Variants in CSMD3 observed in about 807,000 individuals in gnomAD.
CSMD3 encodes CUB and sushi domain-containing protein 3.
In CSMD3, 177 loss-of-function variants were observed where a neutral mutation model predicts 435.2. The observed-to-expected ratio is 0.41, with a 90% CI of 0.36 to 0.46. The LOEUF is 0.46. CSMD3 is among the 20% of genes least tolerant of loss of function. The pLI is 0.34. For synonymous variants in CSMD3, 1,656 were observed against 1,520.5 expected (o/e 1.09, Z -2.07); for missense variants, 4,265 against 4,504.6 (o/e 0.95, Z 1.52).
intron 10 of CSMD3, among the ~76,000 whole-genome samples, chr8:112,874,603 T>C (rs1051455372): frequency 2.0e-5 from 3 of 152,198 alleles, no homozygotes; most frequent in Admixed American, 2.0e-4. Flanking sequence ...GGTGCATATA[T>C]ATTTAGGATA....
chr8:112,424,828 A>G (rs959377597), intron 32 of CSMD3, among the ~76,000 whole-genome samples: 1 of 152,204 alleles, frequency 6.6e-6, no homozygotes, highest in South Asian at 2.1e-4. Flanking sequence ...AGTAGCTGGG[A>G]CCACAGGCAT....
intron 13 of CSMD3, among the ~76,000 whole-genome samples, chr8:112,761,793 T>G (rs1032937333): frequency 6.6e-6 from 1 of 152,040 alleles, no homozygotes; most frequent in African/African-American, 2.4e-5. Flanking sequence ...CATATACATA[T>G]GTATCCATGT....
intron 32 of CSMD3, among the ~76,000 whole-genome samples, chr8:112,469,160 CAAAAAAAAA>C (rs71309771): frequency 1.9e-3 from 178 of 91,644 alleles, no homozygotes; most frequent in Admixed American, 6.4e-3. Flanking sequence ...CTACACCAGG[CAAAAAAAAA>C]AAAAAAAAAA....
rs189780264 is a variant in CSMD3 at position 112,722,297 on chromosome 8, A to T, written c.1973-32247T>A. 1.4e-3 allele frequency among the ~76,000 whole-genome samples: 209 copies of T among 151,970 alleles called. No individual in the cohort carries two copies. In the East Asian group the frequency reaches 0.017, roughly 13 times the overall value. On this transcript the variant is annotated intron_variant, in intron 13 of 70. Coordinates refer to ENST00000297405, the MANE Select transcript of CSMD3 (RefSeq NM_198123.2). Reference sequence around the variant, plus strand: ...AATTAATTAGATCTTAGGTTTTTTAAAAAAAAAGGCTATACCAGACCTTTT... The same window carrying T: ...AATTAATTAGATCTTAGGTTTTTTATAAAAAAAGGCTATACCAGACCTTTT...
chr8:112,570,905 C>G (rs1172581564), intron 24 of CSMD3, among the ~76,000 whole-genome samples: 2 of 152,144 alleles, frequency 1.3e-5, no homozygotes, highest in Non-Finnish European at 2.9e-5. Flanking sequence ...TGTATGTTTT[C>G]CCTTTTTAAG....
intron 16 of CSMD3, among the ~76,000 whole-genome samples, chr8:112,680,640 A>C (rs2075868418): frequency 6.6e-6 from 1 of 152,172 alleles, no homozygotes; most frequent in Non-Finnish European, 1.5e-5. Context: ...AGAACACTAA[A>C]GTCATCTAGT....
At chr8:112,314,712 T>C (rs1019949395) in intron 47 of CSMD3, 95 bp from the exon 48 acceptor site, 1 of 820,108 alleles carries the variant, frequency 1.2e-6, no homozygotes, top group Non-Finnish European at 2.1e-6. Context: ...TCATGTTCAA[T>C]AGCTATAAGG....
At chr8:113,301,393 A>C (rs1225558002) in intron 2 of CSMD3, among the ~76,000 whole-genome samples, 1 of 152,144 alleles carries the variant, frequency 6.6e-6, no homozygotes, top group Non-Finnish European at 1.5e-5. Context: ...ATTCTAATAA[A>C]TATATTATGG....
At chr8:112,468,907 T>C (rs772154308) in intron 32 of CSMD3, among the ~76,000 whole-genome samples, 2 of 152,138 alleles carry the variant, frequency 1.3e-5, no homozygotes, top group Non-Finnish European at 1.5e-5. Flanking sequence ...GATGAATATT[T>C]CCAAAATCTG....
chr8:113,213,158 A>G (rs939976106), intron 3 of CSMD3, among the ~76,000 whole-genome samples: 3 of 152,074 alleles, frequency 2.0e-5, no homozygotes, highest in African/African-American at 7.2e-5. Flanking sequence ...AGAAATGCAA[A>G]TGGAATCTAC....
intron 5 of CSMD3, among the ~76,000 whole-genome samples, chr8:113,022,609 T>C (rs1361874737): frequency 1.3e-5 from 2 of 151,674 alleles, no homozygotes; most frequent in Admixed American, 1.3e-4. Flanking sequence ...CATTTCACCC[T>C]AAAAATCTCC....
chr8:112,424,237 G>C (rs1276134732), intron 32 of CSMD3, among the ~76,000 whole-genome samples: 1 of 152,088 alleles, frequency 6.6e-6, no homozygotes, highest in African/African-American at 2.4e-5. Flanking sequence ...ATAGTTTTAA[G>C]ATATGATTGC....
At chr8:112,750,434 A>G (rs1282023298) in intron 13 of CSMD3, among the ~76,000 whole-genome samples, 2 of 152,072 alleles carry the variant, frequency 1.3e-5, no homozygotes, top group Non-Finnish European at 2.9e-5. Context: ...CAGGAGAAAG[A>G]CTACATAGAA....
intron 33 of CSMD3, 143 bp from the exon 34 acceptor site, chr8:112,408,556 A>C (rs573617593): frequency 2.9e-6 from 2 of 688,148 alleles, no homozygotes; most frequent in Non-Finnish European, 5.1e-6. Context: ...ACAACTACCA[A>C]TATATTTCCT....
intron 13 of CSMD3, among the ~76,000 whole-genome samples, chr8:112,750,347 A>AATAT (rs1173212784): frequency 1.3e-5 from 2 of 151,784 alleles, no homozygotes; most frequent in African/African-American, 4.8e-5. Flanking sequence ...AATTTTATTA[A>AATAT]ATATCAACTA....
intron 3 of CSMD3, among the ~76,000 whole-genome samples, chr8:113,216,161 A>G (rs1041927699): frequency 3.9e-5 from 6 of 151,902 alleles, no homozygotes; most frequent in African/African-American, 1.4e-4. Flanking sequence ...AAAATCTAAA[A>G]AAAATCCATA....
chr8:112,771,349 G>A (rs1302635344), intron 13 of CSMD3, among the ~76,000 whole-genome samples: 1 of 151,916 alleles, frequency 6.6e-6, no homozygotes, highest in Non-Finnish European at 1.5e-5. Context: ...AATAAGCCTG[G>A]CCAATGTGGC....
intron 3 of CSMD3, among the ~76,000 whole-genome samples, chr8:113,278,251 T>G (rs1045578046): frequency 6.6e-6 from 1 of 151,808 alleles, no homozygotes; most frequent in Non-Finnish European, 1.5e-5. Flanking sequence ...GATTACTAGT[T>G]TACTTTCTGG....
intron 59 of CSMD3, 132 bp from the exon 60 acceptor site, chr8:112,265,722 A>G (rs1293164174): frequency 1.3e-6 from 1 of 742,618 alleles, no homozygotes; most frequent in Non-Finnish European, 2.4e-6. Flanking sequence ...ATCATAAAAC[A>G]TAAACATATT....
Sources: gnomAD v4.1 joint callset for allele counts (sites outside exome capture counted in the v4.1 genomes callset) on GRCh38, gnomAD v4.1.1 for gene constraint, MANE v1.5 for transcripts, NCBI Gene and HGNC (gene_info 2026-07-23, HGNC 2026-07-21) for gene names.